VOPP1: variants seen among roughly 807,000 people sequenced by gnomAD.
VOPP1 encodes VOPP1 WW domain binding protein.
A neutral mutation model predicts 23.5 loss-of-function variants in VOPP1; 8 were observed. That is an observed-to-expected ratio of 0.34 (90% CI 0.20 to 0.61). The LOEUF (loss-of-function observed/expected upper bound fraction) is 0.61. Ranked by LOEUF, VOPP1 falls within the 20% of genes least tolerant of loss-of-function variation. The pLI, the probability that VOPP1 is intolerant of heterozygous loss-of-function variation, is 0.78. For missense variants in VOPP1, 174 were observed against 238.1 expected, an observed-to-expected ratio of 0.73 and a Z score of 1.77; for synonymous variants, 83 against 97.3, an observed-to-expected ratio of 0.85 and a Z score of 0.86.
intron 2 of VOPP1, among the ~76,000 whole-genome samples, chr7:55,501,862 C>T (rs1359572477): frequency 6.6e-6 from 1 of 152,174 alleles, no homozygotes; most frequent in Non-Finnish European, 1.5e-5. Context: ...CCCTCTGCCA[C>T]CAAGATGCTC....
At chr7:55,483,558 C>G (rs1792901618) in intron 4 of VOPP1, among the ~76,000 whole-genome samples, 1 of 152,090 alleles carries the variant, frequency 6.6e-6, no homozygotes, top group African/African-American at 2.4e-5. Flanking sequence ...CCTCTTACAG[C>G]TCTCTCTCGG....
intron 1 of VOPP1, among the ~76,000 whole-genome samples, chr7:55,548,383 C>T (rs897374329): frequency 6.6e-6 from 1 of 152,246 alleles, no homozygotes; most frequent in Non-Finnish European, 1.5e-5. Context: ...TGGCTGACCG[C>T]CTGGTCCTCA....
chr7:55,556,976 A>C (rs1797832072), intron 1 of VOPP1, among the ~76,000 whole-genome samples: 1 of 152,128 alleles, frequency 6.6e-6, no homozygotes, highest in South Asian at 2.1e-4. Context: ...CATACACACC[A>C]ACCTTGTATG....
intron 2 of VOPP1, among the ~76,000 whole-genome samples, chr7:55,500,705 C>A (rs1346169632): frequency 6.6e-6 from 1 of 152,242 alleles, no homozygotes; most frequent in Non-Finnish European, 1.5e-5. Flanking sequence ...CTAAATGCTT[C>A]ACAAACGTCT....
chr7:55,515,892 G>C (rs1240851320), intron 2 of VOPP1: 3 of 865,350 alleles, frequency 3.5e-6, no homozygotes, highest in Non-Finnish European at 4.2e-6. Context: ...TGTGCTGTTT[G>C]CTGCTTTGGA....
At chr7:55,457,218 C>T (rs1791389039) in intron 4 of VOPP1, among the ~76,000 whole-genome samples, 1 of 151,582 alleles carries the variant, frequency 6.6e-6, no homozygotes, top group Non-Finnish European at 1.5e-5. Context: ...TTTCACTTAA[C>T]ATAATGACCT....
chr7:55,543,979 T>A (rs1201891864), intron 1 of VOPP1, among the ~76,000 whole-genome samples: 1 of 152,244 alleles, frequency 6.6e-6, no homozygotes, highest in Non-Finnish European at 1.5e-5. Flanking sequence ...TCAAGAAATC[T>A]TTGCCCAAAA....
At chr7:55,561,542 C>G (rs1192499172) in intron 1 of VOPP1, among the ~76,000 whole-genome samples, 1 of 151,944 alleles carries the variant, frequency 6.6e-6, no homozygotes, top group Non-Finnish European at 1.5e-5. Context: ...AACCCCGTCT[C>G]TACTAAAAAT....
At chr7:55,525,216 C>T (rs1022410073) in intron 1 of VOPP1, among the ~76,000 whole-genome samples, 5 of 152,070 alleles carry the variant, frequency 3.3e-5, no homozygotes, top group African/African-American at 7.2e-5. Context: ...CTCGGCCGGG[C>T]GCGGTGGCTC....
chr7:55,512,152 A>C (rs142961881), intron 2 of VOPP1, among the ~76,000 whole-genome samples: 1,673 of 152,316 alleles, frequency 0.011, 11 homozygotes, highest in Middle Eastern at 0.02. Flanking sequence ...CTCAGCTGGG[A>C]GCAGTGGCTC....
intron 4 of VOPP1, among the ~76,000 whole-genome samples, chr7:55,454,987 G>A (rs781001007): frequency 4.6e-5 from 7 of 152,106 alleles, no homozygotes; most frequent in Admixed American, 6.6e-5. Context: ...GAAATAAAGC[G>A]TATTCAATTA....
rs146231246 is a variant in VOPP1 at position 55,448,235 on chromosome 7, T to C, written n.418-12061A>G. 1.5e-3 allele frequency among the ~76,000 whole-genome samples: 229 copies of C among 152,278 alleles called. 1 individual carries two copies. Among genetic ancestry groups the C allele is most frequent in the Admixed American group, 2.4e-3 (37 of 15,298 alleles). On this transcript the variant is annotated intron_variant and non_coding_transcript_variant, in intron 4 of 4. Transcript: ENST00000462326. Reference sequence around the variant, plus strand: ...GACAAGCATGCTCAGCAAAGCATTATTTATAATAGAGAAAAATTAGCAAGA... The same window carrying C: ...GACAAGCATGCTCAGCAAAGCATTACTTATAATAGAGAAAAATTAGCAAGA...
chr7:55,445,288 CACACAG>C (rs1238731860), intron 4 of VOPP1, among the ~76,000 whole-genome samples: 5 of 151,814 alleles, frequency 3.3e-5, no homozygotes, highest in African/African-American at 4.8e-5. Flanking sequence ...GACACACACA[CACACAG>C]ACACACATAC....
chr7:55,571,927 A>C (rs1373591759), intron 1 of VOPP1: 2 of 223,950 alleles, frequency 8.9e-6, no homozygotes, highest in South Asian at 1.1e-4. Flanking sequence ...CCCCGGGTCC[A>C]TCCGATCCTC....
intron 2 of VOPP1, among the ~76,000 whole-genome samples, chr7:55,498,081 GAC>G (rs1794103201): frequency 6.6e-6 from 1 of 152,220 alleles, no homozygotes; most frequent in Admixed American, 6.5e-5. Context: ...TTCAGTCCCC[GAC>G]TACGGGGAAA....
At chr7:55,448,835 G>A (rs1423211782) in intron 4 of VOPP1, among the ~76,000 whole-genome samples, 3 of 152,246 alleles carry the variant, frequency 2.0e-5, no homozygotes, top group Admixed American at 2.0e-4. Context: ...TGCCACCGCA[G>A]CCACGCGCAG....
chr7:55,517,380 G>A (rs1795528902), intron 2 of VOPP1, among the ~76,000 whole-genome samples: 2 of 152,068 alleles, frequency 1.3e-5, no homozygotes, highest in East Asian at 1.9e-4. Flanking sequence ...CACCACAACT[G>A]ACACGTCGTG....
intron 4 of VOPP1, among the ~76,000 whole-genome samples, chr7:55,492,011 G>A (rs78523366): frequency 0.012 from 1,771 of 152,306 alleles, 12 homozygotes; most frequent in Middle Eastern, 0.02. Context: ...AAAGGGCAGA[G>A]AGCAAATAAT....
At chr7:55,524,155 G>T (rs949154090) in intron 1 of VOPP1, among the ~76,000 whole-genome samples, 5 of 152,078 alleles carry the variant, frequency 3.3e-5, no homozygotes, top group Admixed American at 1.3e-4. Flanking sequence ...TCTTCTTCCC[G>T]CATTTTTCTG....
Sources: gnomAD v4.1 joint callset for allele counts (sites outside exome capture counted in the v4.1 genomes callset) on GRCh38, gnomAD v4.1.1 for gene constraint, MANE v1.5 for transcripts, NCBI Gene and HGNC (gene_info 2026-07-23, HGNC 2026-07-21) for gene names.